ACACB: variants seen among roughly 807,000 people sequenced by gnomAD.
ACACB encodes the protein acetyl-CoA carboxylase 2.
In ACACB, 209 loss-of-function variants were observed where a neutral mutation model predicts 278.8. The observed-to-expected ratio is 0.75, with a 90% CI of 0.67 to 0.84. ACACB has a LOEUF of 0.84. Ranked by LOEUF, ACACB falls within the 40% of genes least tolerant of loss-of-function variation. The pLI, the probability that ACACB is intolerant of heterozygous loss-of-function variation, is 0.00. For missense variants in ACACB, 2,850 were observed against 3,269.0 expected (o/e 0.87, Z 3.13); for synonymous variants, 1,174 against 1,285.6 (o/e 0.91, Z 1.86).
At chr12:109,129,703 C>T (rs1190842174) in intron 1 of ACACB, among the ~76,000 whole-genome samples, 1 of 152,202 alleles carries the variant, frequency 6.6e-6, no homozygotes, top group East Asian at 1.9e-4. Context: ...GGCACCATCC[C>T]CTCTGCCCCC....
At chr12:109,160,794 G>A (rs893821085) in intron 2 of ACACB, among the ~76,000 whole-genome samples, 2 of 152,222 alleles carry the variant, frequency 1.3e-5, no homozygotes, top group African/African-American at 4.8e-5. Flanking sequence ...AGCTTTGTGT[G>A]TTCGCTTGCC....
At chr12:109,202,938 T>C (rs2045379252) in intron 19 of ACACB, among the ~76,000 whole-genome samples, 1 of 152,218 alleles carries the variant, frequency 6.6e-6, no homozygotes, top group African/African-American at 2.4e-5. Flanking sequence ...ATTCACATTG[T>C]TGCACAGCCA....
At chr12:109,155,841 G>A (rs1021289420) in intron 2 of ACACB, among the ~76,000 whole-genome samples, 4 of 152,050 alleles carry the variant, frequency 2.6e-5, no homozygotes, top group Admixed American at 1.3e-4. Flanking sequence ...CAGTGTCTAC[G>A]AAAAAAGTTT....
At chr12:109,221,879 C>CTT (rs34724260) in intron 24 of ACACB, among the ~76,000 whole-genome samples, 19 of 130,140 alleles carry the variant, frequency 1.5e-4, no homozygotes, top group African/African-American at 3.3e-4. Flanking sequence ...AATCACTGAC[C>CTT]TTTTTTTTTT....
At chr12:109,115,877 G>T (rs2042394034), upstream of ACACB, among the ~76,000 whole-genome samples, 1 of 152,214 alleles carries the variant, frequency 6.6e-6, no homozygotes, top group African/African-American at 2.4e-5. Flanking sequence ...CAGGAAGTGG[G>T]TTCCACCTTC....
chr12:109,151,461 G>C (rs944491049), intron 2 of ACACB, among the ~76,000 whole-genome samples: 1 of 151,114 alleles, frequency 6.6e-6, no homozygotes, highest in Non-Finnish European at 1.5e-5. Flanking sequence ...ATGTAACACA[G>C]TCCCCCCCAC....
At chr12:109,252,283 C>G in intron 42 of ACACB, 127 bp downstream of exon 42, 1 of 615,086 alleles carries the variant, frequency 1.6e-6, no homozygotes, top group East Asian at 3.1e-5. Context: ...GATACAAGAG[C>G]TCTTTTTTTC....
intron 17 of ACACB, among the ~76,000 whole-genome samples, chr12:109,199,144 C>A (rs1485075195): frequency 6.6e-6 from 1 of 151,254 alleles, no homozygotes; most frequent in South Asian, 2.1e-4. Flanking sequence ...GAGCCGAGAT[C>A]GCGCCACTGC....
chr12:109,249,851 A>G, intron 40 of ACACB, 133 bp from the exon 41 acceptor site: 1 of 1,230,630 alleles, frequency 8.1e-7, no homozygotes, highest in Non-Finnish European at 1.1e-6. Context: ...TGCCAATTTC[A>G]TTTTGCCTCT....
At chr12:109,164,794 T>G (rs1447918495) in intron 2 of ACACB, among the ~76,000 whole-genome samples, 2 of 148,434 alleles carry the variant, frequency 1.3e-5, no homozygotes, top group Non-Finnish European at 3.0e-5. Context: ...CTCGGCTCAC[T>G]GCAACCTCCA....
intron 42 of ACACB, 39 bp from the exon 43 acceptor site, chr12:109,252,976 A>G (rs2047135368): frequency 6.5e-7 from 1 of 1,535,298 alleles, no homozygotes; most frequent in African/African-American, 1.4e-5. Flanking sequence ...AGAGCCCTGC[A>G]CCGTGCAGGA....
Position 109,139,683 on chromosome 12 carries a change from C to T in ACACB, c.278C>T (p.Pro93Leu), listed in dbSNP as rs1365446192. The T allele has an allele frequency of 3.1e-6, 5 of 1,613,970 alleles. No individual in the cohort carries two copies. The highest frequency in any genetic ancestry group is 4.2e-6 in the Non-Finnish European group (5 of 1,179,980). ...KDAGRRRNSL[P>L]PSHQKPPRNP... The stretch of plus-strand genomic sequence containing the variant: ...GCCGGTCGGCGGAGAAACTCCCTAC[C>T]ACCCTCCCACCAGAAGCCCCCAAGA... Residue 93 changes from proline to leucine, a missense_variant, in exon 2 of 53, where the codon CCA (proline) becomes CTA (leucine). By Grantham distance (98) the Pro-to-Leu change is moderately conservative. Transcript: ENST00000338432.
rs1234293466 is a variant in ACACB, at chr12:109,171,845, A to G, written c.966A>G (p.Gly322=). The G allele has an allele frequency of 6.2e-7, 1 of 1,613,870 alleles. No individual in the cohort carries two copies. The change falls in exon 5 of 53, where the codon GGA becomes GGG. Residue 322 remains glycine, a synonymous_variant. Transcript: ENST00000338432. The part of the protein sequence containing the change: ...KMADHYVPVP[G]GPNNNNYANV... ...CGGATCATTACGTCCCCGTCCCAGG[A>G]GGGCCCAATAACAACAACTATGCCA...
intron 2 of ACACB, among the ~76,000 whole-genome samples, chr12:109,140,540 C>T (rs1357121365): frequency 2.6e-5 from 4 of 152,066 alleles, no homozygotes. Flanking sequence ...GCCTGTAATC[C>T]CAGCTGCTTG....
upstream of ACACB, among the ~76,000 whole-genome samples, chr12:109,114,953 G>C (rs2042374933): frequency 6.6e-6 from 1 of 152,160 alleles, no homozygotes; most frequent in Admixed American, 6.6e-5. Flanking sequence ...TACCGTTCTT[G>C]TGTTTGATGG....
chr12:109,223,632 G>A lies in ACACB; in HGVS notation c.3793-183G>A, dbSNP rs573119612. Among the ~76,000 whole-genome samples the A allele has an allele frequency of 1.1e-3, 165 of 152,240 alleles. 3 individuals carry two copies. Among genetic ancestry groups the A allele is most frequent in the South Asian group, 6.2e-4 (3 of 4,812 alleles). Reference sequence around the variant, plus strand: ...CAAAAAAAAGAGCCACGATGTTGGCGCACGCTGTAGTCCCAGCTGCTCAAG... The same window carrying A: ...CAAAAAAAAGAGCCACGATGTTGGCACACGCTGTAGTCCCAGCTGCTCAAG... On this transcript the variant is annotated intron_variant, in intron 26 of 52. Coordinates refer to ENST00000338432, the MANE Select transcript of ACACB (RefSeq NM_001093.4).
At chr12:109,203,733 G>A (rs1021264882) in intron 19 of ACACB, among the ~76,000 whole-genome samples, 1 of 152,146 alleles carries the variant, frequency 6.6e-6, no homozygotes, top group Non-Finnish European at 1.5e-5. Context: ...CAGGCTCTTG[G>A]GGGCACCTCC....
Position 109,237,389 on chromosome 12 carries a change from T to C in ACACB, c.4662+9T>C, listed in dbSNP as rs368795438. 5.0e-6 allele frequency: 8 copies of C among 1,610,164 alleles called. No individual in the cohort carries two copies. The African/African-American group carries it at 1.1e-4, about 22-fold the overall frequency. On this transcript the variant is annotated intron_variant, in intron 34 of 52. Transcript: ENST00000338432. Reference sequence around the variant, plus strand: ...CTGACCTGATCACAAAGGTAAGATGTCGCAGAGCATTTCTTCCTCTCTCAG... The same window carrying C: ...CTGACCTGATCACAAAGGTAAGATGCCGCAGAGCATTTCTTCCTCTCTCAG...
Position 109,173,783 on chromosome 12 carries a change from A to G in ACACB, c.1118-349A>G, listed in dbSNP as rs57874088. ...ATTTCCCATCTGGCTCTTTATAGAAAGAGTTTGCTAACCTATGGTCCAGCT... is the reference window on the plus strand; with the variant it reads ...ATTTCCCATCTGGCTCTTTATAGAAGGAGTTTGCTAACCTATGGTCCAGCT... On this transcript the variant is annotated intron_variant, in intron 6 of 52. Coordinates refer to ENST00000338432, the MANE Select transcript of ACACB (RefSeq NM_001093.4). Among the ~76,000 whole-genome samples, 1,000 of 152,324 alleles carry G rather than the reference A, an allele frequency of 6.6e-3. 21 individuals carry two copies. The highest frequency in any genetic ancestry group is 0.023 in the African/African-American group (936 of 41,568).
Sources: allele counts gnomAD v4.1 joint callset (sites outside exome capture counted in the v4.1 genomes callset), GRCh38; gene constraint gnomAD v4.1.1; transcripts MANE v1.5; gene names NCBI Gene and HGNC (gene_info 2026-07-23, HGNC 2026-07-21).